CADM2: variants seen among roughly 807,000 people sequenced by gnomAD.
CADM2 encodes immunoglobulin superfamily member 4D.
Under a neutral mutation model 49.8 loss-of-function variants are expected in CADM2, and 12 were observed. The observed-to-expected ratio is 0.24, with a 90% CI of 0.15 to 0.39. The LOEUF (loss-of-function observed/expected upper bound fraction) is 0.39. Ranked by LOEUF, CADM2 falls within the 10% of genes least tolerant of loss-of-function variation. The pLI, the probability that CADM2 is intolerant of heterozygous loss-of-function variation, is 1.00. For synonymous variants in CADM2, 214 were observed against 175.4 expected, an observed-to-expected ratio of 1.22 and a Z score of -1.74; for missense variants, 378 against 492.3, an observed-to-expected ratio of 0.77 and a Z score of 2.20.
intron 1 of CADM2, among the ~76,000 whole-genome samples, chr3:85,347,581 A>T (rs2030835181): frequency 9.6e-6 from 1 of 104,418 alleles, no homozygotes; most frequent in African/African-American, 4.6e-5. Flanking sequence ...ATATATATAC[A>T]TATATACATA....
intron 1 of CADM2, among the ~76,000 whole-genome samples, chr3:85,177,215 A>G (rs1304162671): frequency 6.6e-6 from 1 of 152,140 alleles, no homozygotes; most frequent in African/African-American, 2.4e-5. Context: ...CTCTAAAACT[A>G]CCTGGGGAGA....
At chr3:85,136,174 A>G (rs1559682572) in intron 1 of CADM2, among the ~76,000 whole-genome samples, 1 of 152,016 alleles carries the variant, frequency 6.6e-6, no homozygotes, top group Non-Finnish European at 1.5e-5. Context: ...AGTTAAAGGC[A>G]TGTAGCTTCA....
chr3:85,459,783 T>C (rs1031232287), intron 1 of CADM2, among the ~76,000 whole-genome samples: 2 of 152,218 alleles, frequency 1.3e-5, no homozygotes, highest in Admixed American at 6.5e-5. Flanking sequence ...AAAAAGCATG[T>C]TTGTTGGAAC....
intron 3 of CADM2, among the ~76,000 whole-genome samples, chr3:85,848,249 C>T (rs961136773): frequency 4.6e-5 from 7 of 151,996 alleles, no homozygotes; most frequent in African/African-American, 1.7e-4. Flanking sequence ...AGTATATGCA[C>T]CAATTATCAA....
At chr3:85,155,670 A>G (rs967414149) in intron 1 of CADM2, among the ~76,000 whole-genome samples, 38 of 152,064 alleles carry the variant, frequency 2.5e-4, no homozygotes, top group Non-Finnish European at 3.7e-4. Flanking sequence ...CCTATTCCAA[A>G]ATTGACCACA....
At chr3:85,132,738 G>A (rs1414357058) in intron 1 of CADM2, among the ~76,000 whole-genome samples, 2 of 151,982 alleles carry the variant, frequency 1.3e-5, no homozygotes, top group Non-Finnish European at 2.9e-5. Context: ...GTCAATAAAT[G>A]CAAAATGTTC....
intron 1 of CADM2, among the ~76,000 whole-genome samples, chr3:85,054,957 A>T (rs541612415): frequency 6.6e-6 from 1 of 152,068 alleles, no homozygotes; most frequent in East Asian, 1.9e-4. Flanking sequence ...CTACCACAGC[A>T]TGCAGTAGTT....
intron 8 of CADM2, among the ~76,000 whole-genome samples, chr3:86,049,577 T>C (rs1737095999): frequency 6.6e-6 from 1 of 152,114 alleles, no homozygotes; most frequent in Admixed American, 6.6e-5. Flanking sequence ...GGGTAATTTA[T>C]AACGAAAAGA....
chr3:85,145,320 C>T (rs1206644746), intron 1 of CADM2, among the ~76,000 whole-genome samples: 1 of 152,132 alleles, frequency 6.6e-6, no homozygotes, highest in African/African-American at 2.4e-5. Flanking sequence ...CAATGCCATG[C>T]ACAGATTAAG....
rs190522584 is a variant in CADM2, at chr3:85,878,589, G to A, written c.239-4702G>A. On this transcript the variant is annotated intron_variant, in intron 3 of 9. Transcript: ENST00000383699. Reference sequence around the variant, plus strand: ...ATTACATTCTCCATGATATCATTCAGTTCTCATCATAATCCAAAGATGGAA... The same window carrying A: ...ATTACATTCTCCATGATATCATTCAATTCTCATCATAATCCAAAGATGGAA... Among the ~76,000 whole-genome samples the A allele has an allele frequency of 1.6e-3, 247 of 152,188 alleles. 1 individual carries two copies. The highest frequency in any genetic ancestry group is 0.015 in the Admixed American group (231 of 15,272).
intron 7 of CADM2, among the ~76,000 whole-genome samples, chr3:85,951,057 G>A (rs1349175280): frequency 1.3e-5 from 2 of 150,856 alleles, no homozygotes; most frequent in African/African-American, 4.8e-5. Context: ...GAGTCTTTGG[G>A]ATTCTGAAAC....
chr3:85,173,650 A>G (rs1024138169), intron 1 of CADM2, among the ~76,000 whole-genome samples: 2 of 152,168 alleles, frequency 1.3e-5, no homozygotes, highest in Non-Finnish European at 2.9e-5. Flanking sequence ...AAAGGTAAAG[A>G]CCTTTATTTT....
At chr3:85,060,717 G>C (rs2036273083) in intron 1 of CADM2, among the ~76,000 whole-genome samples, 1 of 151,984 alleles carries the variant, frequency 6.6e-6, no homozygotes, top group Admixed American at 6.6e-5. Context: ...CTCATTTTAT[G>C]ATGTAAGGAT....
chr3:85,363,257 A>G (rs2032488438), intron 1 of CADM2, among the ~76,000 whole-genome samples: 2 of 152,248 alleles, frequency 1.3e-5, no homozygotes, highest in Non-Finnish European at 2.9e-5. Context: ...ACTGAGAAAG[A>G]TAACCAATGT....
intron 1 of CADM2, among the ~76,000 whole-genome samples, chr3:85,416,900 G>T (rs1309251421): frequency 1.3e-5 from 2 of 152,012 alleles, no homozygotes; most frequent in East Asian, 3.9e-4. Flanking sequence ...ATGCTATGTG[G>T]ATCTTAATGA....
intron 1 of CADM2, among the ~76,000 whole-genome samples, chr3:85,492,620 T>G (rs1286483252): frequency 6.6e-6 from 1 of 151,956 alleles, no homozygotes; most frequent in Non-Finnish European, 1.5e-5. Context: ...TAAAAGTAAA[T>G]GGAATATTTC....
At chr3:85,085,075 G>C (rs932061228) in intron 1 of CADM2, among the ~76,000 whole-genome samples, 2 of 151,924 alleles carry the variant, frequency 1.3e-5, no homozygotes, top group African/African-American at 4.8e-5. Context: ...TTTATGGTGA[G>C]AATATTTAAA....
intron 1 of CADM2, among the ~76,000 whole-genome samples, chr3:85,547,210 T>C (rs1220986333): frequency 4.6e-5 from 7 of 152,262 alleles, no homozygotes; most frequent in Non-Finnish European, 8.8e-5. Flanking sequence ...AGATCTGTAA[T>C]ATAATATCTA....
At chr3:85,441,097 C>G (rs1407316338) in intron 1 of CADM2, among the ~76,000 whole-genome samples, 1 of 151,894 alleles carries the variant, frequency 6.6e-6, no homozygotes, top group East Asian at 1.9e-4. Flanking sequence ...CCATAATTCT[C>G]ACATGTATTC....
Sources: allele counts gnomAD v4.1 joint callset (sites outside exome capture counted in the v4.1 genomes callset), GRCh38; gene constraint gnomAD v4.1.1; transcripts MANE v1.5; gene names NCBI Gene and HGNC (gene_info 2026-07-23, HGNC 2026-07-21).